The following RFC3 variants were observed in gnomAD, a reference collection of about 807,000 sequenced individuals.
RFC3 encodes A1 38 kDa subunit.
A neutral mutation model predicts 45.1 loss-of-function variants in RFC3; 41 were observed. That is an observed-to-expected ratio of 0.91 (90% CI 0.71 to 1.18). The LOEUF (loss-of-function observed/expected upper bound fraction) is 1.18, where lower values mean the gene tolerates loss of function less well. RFC3 is among the 50% of genes most tolerant of loss of function. The pLI, the probability that RFC3 is intolerant of heterozygous loss-of-function variation, is 0.00. For synonymous variants in RFC3, 149 were observed against 144.0 expected (o/e 1.03, Z -0.25); for missense variants, 423 against 428.1 (o/e 0.99, Z 0.10).
intron 8 of RFC3, among the ~76,000 whole-genome samples, chr13:33,875,016 G>A (rs747493869): frequency 4.6e-5 from 7 of 152,154 alleles, no homozygotes; most frequent in African/African-American, 9.7e-5. Flanking sequence ...ATGCAACAGC[G>A]GATTAAGATT....
intron 8 of RFC3, among the ~76,000 whole-genome samples, chr13:33,941,374 TG>T (rs2082923141): frequency 1.3e-5 from 2 of 152,208 alleles, no homozygotes; most frequent in African/African-American, 2.4e-5. Flanking sequence ...TCTTGCATTT[TG>T]TGTTTCTGTT....
At chr13:33,893,311 C>T (rs2082575276) in intron 8 of RFC3, among the ~76,000 whole-genome samples, 1 of 152,038 alleles carries the variant, frequency 6.6e-6, no homozygotes, top group Non-Finnish European at 1.5e-5. Context: ...CCTAGGTGAA[C>T]CTTGGATTAA....
At chr13:33,957,270 C>A (rs2083027719) in intron 8 of RFC3, among the ~76,000 whole-genome samples, 1 of 152,186 alleles carries the variant, frequency 6.6e-6, no homozygotes, top group African/African-American at 2.4e-5. Flanking sequence ...TTTCCCAGAA[C>A]CTCATTGGAT....
At chr13:33,957,131 T>C (rs919303583) in intron 8 of RFC3, among the ~76,000 whole-genome samples, 1 of 152,224 alleles carries the variant, frequency 6.6e-6, no homozygotes, top group African/African-American at 2.4e-5. Flanking sequence ...GTGACTTTTT[T>C]ACAGGTTTCA....
At chr13:33,865,881 C>G (rs2082370166) in intron 8 of RFC3, among the ~76,000 whole-genome samples, 1 of 152,046 alleles carries the variant, frequency 6.6e-6, no homozygotes, top group East Asian at 1.9e-4. Flanking sequence ...TGGAGAAACC[C>G]TGTCTCTACT....
chr13:33,896,370 A>G (rs151253478), intron 8 of RFC3, among the ~76,000 whole-genome samples: 37 of 152,190 alleles, frequency 2.4e-4, no homozygotes, highest in Non-Finnish European at 4.6e-4. Flanking sequence ...CCCAGGGCAT[A>G]TAATAGTTAA....
intron 5 of RFC3, 148 bp downstream of exon 5, chr13:33,830,165 C>A: frequency 1.5e-6 from 1 of 660,722 alleles, no homozygotes; most frequent in Non-Finnish European, 2.6e-6. Flanking sequence ...CAAACCAAAG[C>A]GTATAGTTGT....
At chr13:33,950,559 T>C (rs1398760252) in intron 8 of RFC3, among the ~76,000 whole-genome samples, 2 of 152,184 alleles carry the variant, frequency 1.3e-5, no homozygotes, top group Non-Finnish European at 2.9e-5. Flanking sequence ...AACTTGATAA[T>C]TTGGGCTTGC....
intron 8 of RFC3, among the ~76,000 whole-genome samples, chr13:33,962,764 G>A (rs569283157): frequency 6.6e-6 from 1 of 152,106 alleles, no homozygotes; most frequent in Non-Finnish European, 1.5e-5. Flanking sequence ...TGTATGTATA[G>A]ATACATACAT....
At chr13:33,877,283 T>G (rs1230116430) in intron 8 of RFC3, among the ~76,000 whole-genome samples, 1 of 152,192 alleles carries the variant, frequency 6.6e-6, no homozygotes, top group East Asian at 1.9e-4. Context: ...GACTGTTTCT[T>G]ATAGAGGGTC....
chr13:33,864,681 A>G (rs1271207617), intron 8 of RFC3, among the ~76,000 whole-genome samples: 2 of 152,146 alleles, frequency 1.3e-5, no homozygotes, highest in African/African-American at 4.8e-5. Flanking sequence ...TTTTCAAACT[A>G]TAGAATTTTT....
At chr13:33,841,041 CTA>C (rs2082194506), downstream of RFC3, among the ~76,000 whole-genome samples, 1 of 152,184 alleles carries the variant, frequency 6.6e-6, no homozygotes, top group African/African-American at 2.4e-5. Context: ...GCACCAGAGA[CTA>C]TTACCACCTG....
chr13:33,858,778 A>G (rs1308352329), intron 8 of RFC3, among the ~76,000 whole-genome samples: 1 of 152,212 alleles, frequency 6.6e-6, no homozygotes, highest in Non-Finnish European at 1.5e-5. Flanking sequence ...CCATGGAAAA[A>G]TGAGATATTT....
intron 8 of RFC3, among the ~76,000 whole-genome samples, chr13:33,869,223 A>G (rs2082392296): frequency 6.6e-6 from 1 of 152,152 alleles, no homozygotes; most frequent in Admixed American, 6.5e-5. Flanking sequence ...TAATGACACA[A>G]TATCCTTTTG....
intron 8 of RFC3, among the ~76,000 whole-genome samples, chr13:33,855,598 G>A (rs2082304042): frequency 6.6e-6 from 1 of 152,178 alleles, no homozygotes; most frequent in Non-Finnish European, 1.5e-5. Flanking sequence ...CACCAGCAGT[G>A]TATAAGCATT....
chr13:33,929,547 G>A (rs547040865), intron 8 of RFC3, among the ~76,000 whole-genome samples: 1 of 152,144 alleles, frequency 6.6e-6, no homozygotes, highest in South Asian at 2.1e-4. Flanking sequence ...TGATATTCAT[G>A]TAATGTCCTT....
At chr13:33,947,711 T>C (rs2082963012) in intron 8 of RFC3, among the ~76,000 whole-genome samples, 1 of 152,198 alleles carries the variant, frequency 6.6e-6, no homozygotes, top group African/African-American at 2.4e-5. Context: ...GATAGTGATA[T>C]GGACAATGAA....
intron 8 of RFC3, among the ~76,000 whole-genome samples, chr13:33,917,397 G>A (rs1388092513): frequency 6.6e-6 from 1 of 152,152 alleles, no homozygotes; most frequent in African/African-American, 2.4e-5. Context: ...TGGAATCTCA[G>A]CAGCATCCTT....
At chr13:33,859,265 G>A (rs1035120750) in intron 8 of RFC3, among the ~76,000 whole-genome samples, 1 of 152,088 alleles carries the variant, frequency 6.6e-6, no homozygotes, top group African/African-American at 2.4e-5. Context: ...ACATCTAAAG[G>A]CCTAAAAGAG....
Sources: gnomAD v4.1 joint callset for allele counts (sites outside exome capture counted in the v4.1 genomes callset) on GRCh38, gnomAD v4.1.1 for gene constraint, MANE v1.5 for transcripts, NCBI Gene and HGNC (gene_info 2026-07-23, HGNC 2026-07-21) for gene names.